Variants in TSGA10IP observed in about 807,000 individuals in gnomAD.
TSGA10IP encodes testis specific 10 interacting protein.
In TSGA10IP, 64 loss-of-function variants were observed where a neutral mutation model predicts 63.2. The ratio of observed to expected loss-of-function variants is 1.01; its 90% CI spans 0.83 to 1.25. The LOEUF is 1.25. Among genes scored for constraint, TSGA10IP ranks in the 50% most tolerant of loss-of-function variants. The pLI is 0.00. For missense variants in TSGA10IP, 681 were observed against 710.1 expected, an observed-to-expected ratio of 0.96 and a Z score of 0.47; for synonymous variants, 316 against 298.3, an observed-to-expected ratio of 1.06 and a Z score of -0.61.
exon 1 of TSGA10IP, chr11:65,945,808 T>C: frequency 6.2e-7 from 1 of 1,613,822 alleles, no homozygotes. Context: ...GTCGACCGTC[T>C]CTCAGGACAA....
Position 65,947,982 on chromosome 11 carries a change from T to C in TSGA10IP, c.1004-19T>C, listed in dbSNP as rs371850697. On this transcript the variant is annotated intron_variant, in intron 3 of 7. Coordinates refer to ENST00000532620, the Ensembl canonical transcript of TSGA10IP. The stretch of plus-strand genomic sequence containing the variant: ...TGAGAGGGAGAGGGCAGCCCCTGAC[T>C]TGGTCCCACTGTGGGCAGGCCCCCA... 37 of 1,553,306 alleles carry C rather than the reference T, an allele frequency of 2.4e-5. No individual in the cohort carries two copies. The African/African-American group carries it at 5.1e-4, about 21-fold the overall frequency.
At chr11:65,957,467 C>T (rs1035862516) in intron 5 of TSGA10IP, among the ~76,000 whole-genome samples, 5 of 152,206 alleles carry the variant, frequency 3.3e-5, no homozygotes, top group Admixed American at 6.5e-5. Context: ...CACACAATAT[C>T]ACAGAAAAGA....
intron 2 of TSGA10IP, 37 bp downstream of exon 2, chr11:65,947,053 G>A (rs770657452): frequency 2.5e-5 from 40 of 1,611,288 alleles, no homozygotes; most frequent in Middle Eastern, 1.6e-4. Context: ...GGCTGTTGGG[G>A]GTCAGGGCCC....
At chr11:65,952,046 G>T (rs1424216255) in intron 4 of TSGA10IP, among the ~76,000 whole-genome samples, 4 of 151,978 alleles carry the variant, frequency 2.6e-5, no homozygotes, top group Non-Finnish European at 5.9e-5. Context: ...TAGAGACAGG[G>T]TTTCACCATG....
chr11:65,948,203 A>C (rs1854879793), intron 4 of TSGA10IP, 55 bp downstream of exon 4: 1 of 1,539,480 alleles, frequency 6.5e-7, no homozygotes, highest in South Asian at 1.2e-5. Context: ...AGATGGAGCC[A>C]CTTCTCCAAG....
chr11:65,958,839 G>A (rs746903509), intron 5 of TSGA10IP, 44 bp from the exon 6 acceptor site: 3 of 1,545,304 alleles, frequency 1.9e-6, no homozygotes, highest in Admixed American at 3.5e-5. Flanking sequence ...GAGATCAACA[G>A]TTGTGTCCAT....
In TSGA10IP at chr11:65,958,866, G is replaced by C. The variant is rs528548237; in HGVS notation, c.1323-17G>C. ...TGTGTCCATGGTTAGCTGCACAAAG[G>C]CCTGTCTCCCCTGCAGGCGCCAGGA... On this transcript the variant is annotated splice_polypyrimidine_tract_variant and intron_variant, in intron 5 of 7. Coordinates refer to ENST00000532620, the Ensembl canonical transcript of TSGA10IP. 5.6e-6 allele frequency: 9 copies of C among 1,605,626 alleles called. No individual in the cohort carries two copies. Among genetic ancestry groups the C allele is most frequent in the African/African-American group, 4.0e-5 (3 of 74,734 alleles).
exon 1 of TSGA10IP, chr11:65,945,651 C>A (rs528218242): frequency 1.9e-6 from 3 of 1,609,122 alleles, no homozygotes; most frequent in Non-Finnish European, 2.5e-6. Flanking sequence ...GGCAGTTCTA[C>A]GGTGCGGATG....
chr11:65,955,101 C>G (rs535796765), intron 5 of TSGA10IP, among the ~76,000 whole-genome samples: 11 of 152,230 alleles, frequency 7.2e-5, no homozygotes, highest in Admixed American at 7.2e-4. Context: ...TTGAGCCTAG[C>G]TGTGTATGCG....
At chr11:65,954,695 G>A (rs763568096) in intron 5 of TSGA10IP, among the ~76,000 whole-genome samples, 1 of 151,862 alleles carries the variant, frequency 6.6e-6, no homozygotes, top group African/African-American at 2.4e-5. Flanking sequence ...GCACATACCT[G>A]TAATCCTAGC....
intron 5 of TSGA10IP, among the ~76,000 whole-genome samples, chr11:65,958,589 G>C (rs1855064174): frequency 6.6e-6 from 1 of 152,198 alleles, no homozygotes; most frequent in Non-Finnish European, 1.5e-5. Flanking sequence ...TTCCCATGGG[G>C]CTGGCACAGG....
intron 5 of TSGA10IP, among the ~76,000 whole-genome samples, chr11:65,957,283 T>C (rs1184144949): frequency 1.3e-5 from 2 of 152,166 alleles, no homozygotes; most frequent in Admixed American, 6.5e-5. Flanking sequence ...CCCAAGTAGC[T>C]GGGATTACAG....
exon 5 of TSGA10IP, chr11:65,953,710 C>G: frequency 1.9e-6 from 3 of 1,557,796 alleles, no homozygotes; most frequent in Non-Finnish European, 1.7e-6. Context: ...GGCCCTGGGG[C>G]GGCCCAGCGC....
At chr11:65,957,366 G>C (rs919294440) in intron 5 of TSGA10IP, among the ~76,000 whole-genome samples, 10 of 152,222 alleles carry the variant, frequency 6.6e-5, no homozygotes, top group Middle Eastern at 3.4e-3. Context: ...GGCCAGGATG[G>C]TCTCGATCTC....
intron 5 of TSGA10IP, among the ~76,000 whole-genome samples, chr11:65,955,360 CT>C (rs1374460656): frequency 2.0e-5 from 3 of 152,146 alleles, no homozygotes; most frequent in Admixed American, 1.3e-4. Flanking sequence ...AATCCCAACA[CT>C]TTGGGAAGCC....
intron 1 of TSGA10IP, 70 bp from the exon 2 acceptor site, chr11:65,946,810 C>A (rs117754316): frequency 0.039 from 59,948 of 1,544,996 alleles, 1,463 homozygotes; most frequent in Admixed American, 0.08. Context: ...GAGGGAGCAC[C>A]CGGGTGAGGT....
intron 4 of TSGA10IP, among the ~76,000 whole-genome samples, chr11:65,952,004 G>A (rs150948172): frequency 2.0e-5 from 3 of 152,054 alleles, no homozygotes; most frequent in African/African-American, 7.2e-5. Context: ...CGTACATCAC[G>A]AGGTCTGCCT....
chr11:65,948,744 C>A (rs185419633), intron 4 of TSGA10IP, among the ~76,000 whole-genome samples: 3 of 152,132 alleles, frequency 2.0e-5, no homozygotes, highest in Admixed American at 6.6e-5. Context: ...GAGGCCAAGG[C>A]GTGTGGATTG....
exon 5 of TSGA10IP, chr11:65,953,723 G>A (rs1854983057): frequency 6.5e-7 from 1 of 1,536,814 alleles, no homozygotes; most frequent in Non-Finnish European, 8.7e-7. Context: ...CCCAGCGCAA[G>A]CTGGAGGAGC....
Sources: allele counts gnomAD v4.1 joint callset (sites outside exome capture counted in the v4.1 genomes callset), GRCh38; gene constraint gnomAD v4.1.1; transcripts MANE v1.5; gene names NCBI Gene and HGNC (gene_info 2026-07-23, HGNC 2026-07-21).